PRKAR2B: variants seen among roughly 807,000 people sequenced by gnomAD.
PRKAR2B encodes cAMP-dependent protein kinase type II-beta regulatory subunit.
A neutral mutation model predicts 49.9 loss-of-function variants in PRKAR2B; 14 were observed. That is an observed-to-expected ratio of 0.28 (90% CI 0.19 to 0.44). The LOEUF is 0.44. PRKAR2B is among the 20% of genes least tolerant of loss of function. The pLI is 1.00. For synonymous variants in PRKAR2B, 196 were observed against 197.7 expected, an observed-to-expected ratio of 0.99 and a Z score of 0.07; for missense variants, 393 against 537.9, an observed-to-expected ratio of 0.73 and a Z score of 2.67.
chr7:107,066,504 A>G (rs1794149055), intron 1 of PRKAR2B: 1 of 152,186 alleles, frequency 6.6e-6, no homozygotes, highest in Non-Finnish European at 1.5e-5. Context: ...AGTTTACACT[A>G]AATAAGCGTC....
intron 3 of PRKAR2B, among the ~76,000 whole-genome samples, chr7:107,127,410 C>T (rs1031460827): frequency 1.3e-5 from 2 of 152,220 alleles, no homozygotes; most frequent in African/African-American, 4.8e-5. Flanking sequence ...ACCTTTTGGT[C>T]CAAGTCAGTT....
At chr7:107,149,264 T>C (rs944765383) in intron 6 of PRKAR2B, among the ~76,000 whole-genome samples, 1 of 152,142 alleles carries the variant, frequency 6.6e-6, no homozygotes, top group Non-Finnish European at 1.5e-5. Flanking sequence ...GTATTAGGAG[T>C]AAAACAAGTC....
intron 2 of PRKAR2B, among the ~76,000 whole-genome samples, chr7:107,070,948 C>T (rs907271168): frequency 1.3e-5 from 2 of 152,100 alleles, no homozygotes; most frequent in South Asian, 2.1e-4. Flanking sequence ...TTAACAAGGG[C>T]GTACGTTAAC....
At chr7:107,047,459 T>TA (rs1793720594) in intron 1 of PRKAR2B, among the ~76,000 whole-genome samples, 1 of 151,078 alleles carries the variant, frequency 6.6e-6, no homozygotes, top group South Asian at 2.1e-4. Flanking sequence ...TTTAAACACA[T>TA]ACACCTTCTG....
chr7:107,078,201 C>CAAAAAAAAAAAAAAAAA (rs66861003), intron 2 of PRKAR2B: 2 of 116,970 alleles, frequency 1.7e-5, no homozygotes, highest in East Asian at 2.5e-4. Flanking sequence ...GATACTCCAT[C>CAAAAAAAAAAAAAAAAA]AAAAAAAAAA....
At chr7:107,144,435 T>C (rs564716469) in intron 5 of PRKAR2B, among the ~76,000 whole-genome samples, 2 of 152,136 alleles carry the variant, frequency 1.3e-5, no homozygotes, top group African/African-American at 4.8e-5. Context: ...CTGTTATTGC[T>C]TCTTTATTAT....
chr7:107,143,197 G>A (rs1180948923), intron 5 of PRKAR2B, among the ~76,000 whole-genome samples: 8 of 152,150 alleles, frequency 5.3e-5, no homozygotes, highest in East Asian at 1.9e-4. Context: ...CAGTTTCAGC[G>A]CAAAAGTATA....
At chr7:107,153,648 A>C (rs1175408252) in intron 8 of PRKAR2B, among the ~76,000 whole-genome samples, 1 of 152,216 alleles carries the variant, frequency 6.6e-6, no homozygotes, top group Non-Finnish European at 1.5e-5. Context: ...TCACCAAGAA[A>C]GGAACACACT....
rs2116739762 is a variant in PRKAR2B at position 107,045,145 on chromosome 7, C to T, written c.238C>T (p.Pro80Ser). 3 of 1,509,822 alleles carry T rather than the reference C, an allele frequency of 2.0e-6. No homozygotes were observed. The highest frequency in any genetic ancestry group is 1.2e-5 in the South Asian group (1 of 81,772). The allele number at this position is 1,509,822 out of a possible 1,614,324, so 93.5% of individuals were successfully genotyped here. The change falls in exon 1 of 11, where the codon CCC becomes TCC. Residue 80 changes from proline (P) to serine (S), a missense_variant. By Grantham distance (74) the Pro-to-Ser change is moderately conservative. This residue lies in a region of PRKAR2B where 160 missense variants were observed against 147.6 expected (regional missense o/e 1.08). Coordinates refer to ENST00000265717, the MANE Select transcript of PRKAR2B (RefSeq NM_002736.3). ...PSKGVNFAEEPMQSDSEDGEE... is the reference protein window; with the variant it reads ...PSKGVNFAEESMQSDSEDGEE... Reference sequence around the variant, plus strand: ...CAAGGGGGTCAACTTCGCCGAGGAGCCCATGCAGTCCGACTCCGAGGACGG... The same window carrying T: ...CAAGGGGGTCAACTTCGCCGAGGAGTCCATGCAGTCCGACTCCGAGGACGG...
At chr7:107,153,077 G>A (rs559328208) in intron 7 of PRKAR2B, 100 bp from the exon 8 acceptor site, 82 of 670,782 alleles carry the variant, frequency 1.2e-4, no homozygotes, top group South Asian at 6.1e-4. Flanking sequence ...CACACTGCTC[G>A]ATTTATTTGG....
chr7:107,103,194 T>C (rs370374011), intron 2 of PRKAR2B, among the ~76,000 whole-genome samples: 1 of 152,284 alleles, frequency 6.6e-6, no homozygotes, highest in East Asian at 1.9e-4. Flanking sequence ...ACTTCTGTAA[T>C]TATCAGAATC....
intron 2 of PRKAR2B, among the ~76,000 whole-genome samples, chr7:107,115,201 T>G (rs1410330294): frequency 6.6e-6 from 1 of 152,120 alleles, no homozygotes; most frequent in Admixed American, 6.6e-5. Flanking sequence ...ATTGATAACC[T>G]TGGGGAGAGG....
intron 5 of PRKAR2B, among the ~76,000 whole-genome samples, chr7:107,144,930 T>G (rs1795862360): frequency 6.6e-6 from 1 of 151,548 alleles, no homozygotes; most frequent in African/African-American, 2.4e-5. Flanking sequence ...TCTGATAAAA[T>G]ACAGTATGCG....
chr7:107,128,518 CT>C (rs1795541111), intron 4 of PRKAR2B, among the ~76,000 whole-genome samples: 1 of 152,092 alleles, frequency 6.6e-6, no homozygotes, highest in Non-Finnish European at 1.5e-5. Context: ...GTAAAGAAGC[CT>C]GAGGTGTTTG....
At chr7:107,101,414 C>T (rs1584429207) in intron 2 of PRKAR2B, among the ~76,000 whole-genome samples, 1 of 152,100 alleles carries the variant, frequency 6.6e-6, no homozygotes, top group Non-Finnish European at 1.5e-5. Context: ...ACTCATACCT[C>T]CTCTAAGTGC....
chr7:107,111,199 A>C (rs1480406936), intron 2 of PRKAR2B, among the ~76,000 whole-genome samples: 1 of 151,930 alleles, frequency 6.6e-6, no homozygotes, highest in Non-Finnish European at 1.5e-5. Flanking sequence ...AGGGGAGAGA[A>C]GAGTGGGAAG....
At chr7:107,117,465 C>A (rs1230451825) in intron 2 of PRKAR2B, among the ~76,000 whole-genome samples, 1 of 152,148 alleles carries the variant, frequency 6.6e-6, no homozygotes, top group Non-Finnish European at 1.5e-5. Flanking sequence ...ACCACGCATT[C>A]TGTGCAAACT....
intron 2 of PRKAR2B, among the ~76,000 whole-genome samples, chr7:107,093,661 C>T (rs1706639400): frequency 8.0e-6 from 1 of 124,394 alleles, no homozygotes; most frequent in Admixed American, 8.8e-5. Flanking sequence ...TCTCTCGCCC[C>T]TCCCCCCACC....
At chr7:107,058,403 G>T (rs1306685439) in intron 1 of PRKAR2B, among the ~76,000 whole-genome samples, 1 of 152,104 alleles carries the variant, frequency 6.6e-6, no homozygotes, top group Non-Finnish European at 1.5e-5. Context: ...GTAAGCTCAT[G>T]GTGGGACAAA....
Sources: allele counts gnomAD v4.1 joint callset (sites outside exome capture counted in the v4.1 genomes callset), GRCh38; gene constraint gnomAD v4.1.1; regional missense constraint gnomAD v4.1.1; transcripts MANE v1.5; gene names NCBI Gene and HGNC (gene_info 2026-07-23, HGNC 2026-07-21).